Variants in RAD54L observed in about 807,000 individuals in gnomAD.
RAD54L encodes the protein DNA repair and recombination protein RAD54-like.
A neutral mutation model predicts 91.6 loss-of-function variants in RAD54L; 74 were observed. The ratio of observed to expected loss-of-function variants is 0.81; its 90% CI spans 0.67 to 0.98. RAD54L has a LOEUF of 0.98. Ranked by LOEUF, RAD54L falls within the 50% of genes least tolerant of loss-of-function variation. The pLI is 0.00. For synonymous variants in RAD54L, 304 were observed against 349.7 expected (o/e 0.87, Z 1.46); for missense variants, 887 against 945.7 (o/e 0.94, Z 0.81).
chr1:46,260,659 G>T, intron 6 of RAD54L, 48 bp downstream of exon 6: 1 of 1,613,782 alleles, frequency 6.2e-7, no homozygotes, highest in African/African-American at 1.3e-5. Flanking sequence ...GCTGAGCCTG[G>T]GAGACTACCA....
At chr1:46,258,797 T>A (rs1660011444) in intron 4 of RAD54L, 51 bp downstream of exon 4, 1 of 1,375,288 alleles carries the variant, frequency 7.3e-7, no homozygotes, top group Admixed American at 1.7e-5. Context: ...TACGTGTGCC[T>A]GAATAAATTA....
intron 2 of RAD54L, 45 bp downstream of exon 2, chr1:46,248,643 C>T: frequency 6.3e-7 from 1 of 1,580,434 alleles, no homozygotes; most frequent in Non-Finnish European, 8.7e-7. Flanking sequence ...GCTGTTTGGA[C>T]AGAAAAGAAG....
chr1:46,270,618 C>G (rs1202181234), intron 9 of RAD54L, 41 bp from the exon 10 acceptor site: 5 of 1,611,216 alleles, frequency 3.1e-6, no homozygotes, highest in Non-Finnish European at 4.2e-6. Flanking sequence ...AAAATCATTC[C>G]TTTTCCACAT....
In RAD54L at chr1:46,260,760, C is replaced by T. The variant is rs772563812; in HGVS notation, c.511C>T (p.Arg171Trp). The T allele has an allele frequency of 6.8e-6, 11 of 1,614,034 alleles. No homozygotes were observed. The highest frequency in any genetic ancestry group is 4.0e-5 in the African/African-American group (3 of 74,912). Residue 171 changes from arginine to tryptophan, a missense_variant, in exon 7 of 18, where the codon CGG (arginine) becomes TGG (tryptophan). Coordinates refer to ENST00000371975, the MANE Select transcript of RAD54L (RefSeq NM_003579.4). ...ATTCCTGTGGGAGTGTGTCACCAGT[C>T]GGCGCATCCCTGGCAGCCATGGCTG... ...VKFLWECVTSRRIPGSHGCIM... is the reference protein window; with the variant it reads ...VKFLWECVTSWRIPGSHGCIM...
At chr1:46,269,512 TGCC>T (rs1660362224) in intron 9 of RAD54L, among the ~76,000 whole-genome samples, 1 of 152,108 alleles carries the variant, frequency 6.6e-6, no homozygotes, top group Non-Finnish European at 1.5e-5. Context: ...TTTGCCATGT[TGCC>T]CAGGCTGGTC....
intron 8 of RAD54L, among the ~76,000 whole-genome samples, chr1:46,262,262 C>G (rs992416939): frequency 6.6e-6 from 1 of 150,816 alleles, no homozygotes; most frequent in Non-Finnish European, 1.5e-5. Flanking sequence ...CAAAAATTAG[C>G]CGAGCGTGGT....
intron 4 of RAD54L, among the ~76,000 whole-genome samples, chr1:46,259,349 C>T (rs1244927487): frequency 6.6e-6 from 1 of 152,072 alleles, no homozygotes; most frequent in East Asian, 1.9e-4. Context: ...CAGAAAGCTC[C>T]ATGAAAGTGC....
chr1:46,268,024 C>G (rs1569598548), intron 9 of RAD54L, among the ~76,000 whole-genome samples: 1 of 152,190 alleles, frequency 6.6e-6, no homozygotes, highest in South Asian at 2.1e-4. Context: ...TAAGTACATT[C>G]ACTTTGTGCA....
intron 3 of RAD54L, among the ~76,000 whole-genome samples, chr1:46,258,446 C>G (rs1222857506): frequency 1.3e-5 from 2 of 152,080 alleles, no homozygotes; most frequent in Non-Finnish European, 2.9e-5. Context: ...GGTGCTATAC[C>G]CTAGGGAAGA....
intron 8 of RAD54L, 43 bp downstream of exon 8, chr1:46,261,428 C>CA: frequency 3.7e-6 from 6 of 1,611,552 alleles, no homozygotes; most frequent in Non-Finnish European, 5.1e-6. Flanking sequence ...GAAAATCTGT[C>CA]AAAATCTCTT....
chr1:46,267,154 C>G (rs1012091384), intron 8 of RAD54L, among the ~76,000 whole-genome samples: 14 of 152,170 alleles, frequency 9.2e-5, no homozygotes, highest in Non-Finnish European at 1.5e-5. Flanking sequence ...GCCTCGACCT[C>G]CTGGACTCAA....
chr1:46,266,691 G>A (rs1660274119), intron 8 of RAD54L, among the ~76,000 whole-genome samples: 2 of 152,290 alleles, frequency 1.3e-5, no homozygotes, highest in South Asian at 4.1e-4. Flanking sequence ...TAACACTGAT[G>A]GCCCAGACAA....
At chr1:46,259,540 A>G (rs893387850) in intron 4 of RAD54L, among the ~76,000 whole-genome samples, 3 of 152,220 alleles carry the variant, frequency 2.0e-5, no homozygotes, top group African/African-American at 7.2e-5. Context: ...TGGGAGGCCA[A>G]GGCGGGCAGA....
intron 15 of RAD54L, 141 bp downstream of exon 15, chr1:46,274,357 A>G: frequency 7.9e-7 from 1 of 1,273,014 alleles, no homozygotes; most frequent in Non-Finnish European, 1.1e-6. Context: ...CTGGTTGGTG[A>G]TGGCTGGGCT....
chr1:46,278,082 C>T lies in RAD54L; in HGVS notation c.2044C>T (p.Arg682Ter), dbSNP rs368105178. 9.1e-5 allele frequency: 147 copies of T among 1,613,996 alleles called. No homozygotes were observed. The highest frequency in any genetic ancestry group is 2.2e-4 in the Admixed American group (13 of 59,998). Residue 682 changes from arginine (R) to a stop codon, truncating the protein, a stop_gained, in exon 18 of 18, where the codon CGA becomes TGA. Coordinates refer to ENST00000371975, the MANE Select transcript of RAD54L (RefSeq NM_003579.4). LOFTEE classifies it high-confidence loss of function. ...GCCTTCTGTCCCTAGGTTGCACTGC[C>T]GACGTTGTGTCAACAGCCGTCAGAT... ...LSDTHDRLHC[R>*]RCVNSRQIRP...
rs778410707 is a variant in RAD54L at position 46,272,467 on chromosome 1, T to A, written c.1171T>A (p.Cys391Ser). Residue 391 changes from cysteine to serine, a missense_variant and splice_region_variant, in exon 11 of 18, where the codon TGC becomes AGC. Cys to Ser is a moderately radical substitution (Grantham distance 112). Coordinates refer to ENST00000371975, the MANE Select transcript of RAD54L (RefSeq NM_003579.4). ...GCCTTTTTATCCTGTTTTCTCTAGA[T>A]GCCTGATACGGAGGACTTCTGATAT... ...LRELTSIVNR[C>S]LIRRTSDILS... 5.0e-6 allele frequency: 8 copies of A among 1,607,436 alleles called. No individual in the cohort carries two copies. The East Asian group carries it at 1.8e-4, about 36-fold the overall frequency.
chr1:46,260,240 G>A, intron 5 of RAD54L, 141 bp downstream of exon 5: 1 of 1,333,594 alleles, frequency 7.5e-7, no homozygotes, highest in Non-Finnish European at 1.1e-6. Flanking sequence ...GAAGGAGACT[G>A]CCTGGGGAAG....
intron 3 of RAD54L, among the ~76,000 whole-genome samples, chr1:46,254,073 C>T (rs1659875523): frequency 6.6e-6 from 1 of 151,968 alleles, no homozygotes; most frequent in Non-Finnish European, 1.5e-5. Context: ...CTCCCAGGTT[C>T]AGGCGATTCT....
chr1:46,252,018 G>T (rs897097446), intron 3 of RAD54L, among the ~76,000 whole-genome samples: 1 of 152,202 alleles, frequency 6.6e-6, no homozygotes, highest in Non-Finnish European at 1.5e-5. Flanking sequence ...TGCAGTTGTG[G>T]GAGTGCACAA....
Sources: gnomAD v4.1 joint callset for allele counts (sites outside exome capture counted in the v4.1 genomes callset) on GRCh38, gnomAD v4.1.1 for gene constraint, MANE v1.5 for transcripts, NCBI Gene and HGNC (gene_info 2026-07-23, HGNC 2026-07-21) for gene names.